Variants in DPYD observed in about 807,000 individuals in gnomAD.
DPYD encodes the protein dihydropyrimidine dehydrogenase [NADP(+)].
DPYD carries 109 observed loss-of-function variants against 116.2 expected under a neutral mutation model. That is an observed-to-expected ratio of 0.94 (90% CI 0.80 to 1.10). The LOEUF is 1.10. Among genes scored for constraint, DPYD ranks in the 50% least tolerant of loss-of-function variants. The probability of loss-of-function intolerance (pLI) is 0.00; values close to 1 mark genes in which losing one functional copy is unlikely to be tolerated. For missense variants in DPYD, 1,302 were observed against 1,254.5 expected (o/e 1.04, Z -0.57); for synonymous variants, 440 against 432.0 (o/e 1.02, Z -0.23).
chr1:97,798,291 G>A (rs767234575), intron 3 of DPYD, among the ~76,000 whole-genome samples: 2 of 151,946 alleles, frequency 1.3e-5, no homozygotes, highest in Non-Finnish European at 2.9e-5. Flanking sequence ...AATTAAAAAT[G>A]TGAACTATGA....
intron 1 of DPYD, among the ~76,000 whole-genome samples, chr1:97,885,827 T>C (rs1672459136): frequency 6.6e-6 from 1 of 152,118 alleles, no homozygotes; most frequent in Non-Finnish European, 1.5e-5. Flanking sequence ...TAAAAGTCAC[T>C]TTTTGAGATA....
In DPYD at chr1:97,098,348, A is replaced by T. The variant is rs1461980839; in HGVS notation, c.2766+141T>A. On this transcript the variant is annotated intron_variant, in intron 21 of 22. Coordinates refer to ENST00000370192, the MANE Select transcript of DPYD (RefSeq NM_000110.4). Reference sequence around the variant, plus strand: ...TTATAATTTAAATGCAGTTTTCACCATGGACAGATGTTTTTAAAACTTTCA... The same window carrying T: ...TTATAATTTAAATGCAGTTTTCACCTTGGACAGATGTTTTTAAAACTTTCA... 5.0e-6 allele frequency: 5 copies of T among 993,326 alleles called. No individual in the cohort carries two copies. In the Admixed American group the frequency reaches 9.3e-5, roughly 18 times the overall value. 61.5% of individuals were successfully genotyped at this position (993,326 alleles called of 1,614,324 possible).
chr1:97,547,374 G>T (rs1278130168), intron 12 of DPYD, among the ~76,000 whole-genome samples: 1 of 152,112 alleles, frequency 6.6e-6, no homozygotes, highest in Non-Finnish European at 1.5e-5. Context: ...TGCTTCCTCT[G>T]TCTGAGGCAA....
chr1:97,372,937 A>G (rs371087490), intron 16 of DPYD, among the ~76,000 whole-genome samples: 1 of 152,206 alleles, frequency 6.6e-6, no homozygotes, highest in South Asian at 2.1e-4. Context: ...TTAAGTTTTT[A>G]CAGTGCTCCT....
At chr1:97,192,281 C>T (rs1407794254) in intron 20 of DPYD, among the ~76,000 whole-genome samples, 2 of 152,094 alleles carry the variant, frequency 1.3e-5, no homozygotes, top group Non-Finnish European at 2.9e-5. Flanking sequence ...ATGTGACCTG[C>T]TTCAAGTTAA....
rs72734083 is a variant in DPYD at position 97,896,556 on chromosome 1, T to C, written c.40-13182A>G. Among the ~76,000 whole-genome samples, 53 of 152,042 alleles carry C rather than the reference T, an allele frequency of 3.5e-4. No individual in the cohort carries two copies. In the Middle Eastern group the frequency reaches 0.01, roughly 29 times the overall value. ...TTACAATAGCTTTATTGAGATATAA[T>C]TCACTTACACATGATTCACCTATTT... On this transcript the variant is annotated intron_variant, in intron 1 of 22. Coordinates refer to ENST00000370192, the MANE Select transcript of DPYD (RefSeq NM_000110.4).
chr1:97,214,825 C>A (rs987715275), intron 19 of DPYD, among the ~76,000 whole-genome samples: 2 of 152,170 alleles, frequency 1.3e-5, no homozygotes, highest in Non-Finnish European at 2.9e-5. Flanking sequence ...TAATGCATTA[C>A]CTTGTATTCA....
At chr1:97,549,127 C>A (rs758635245) in intron 12 of DPYD, among the ~76,000 whole-genome samples, 3 of 151,760 alleles carry the variant, frequency 2.0e-5, no homozygotes, top group Non-Finnish European at 4.4e-5. Context: ...GTGCAAGTGG[C>A]ACGATCATGG....
At chr1:97,366,458 T>C (rs1671045943) in intron 16 of DPYD, among the ~76,000 whole-genome samples, 1 of 152,168 alleles carries the variant, frequency 6.6e-6, no homozygotes, top group Admixed American at 6.6e-5. Context: ...TGTTTCTTCA[T>C]GGAACTATGT....
At chr1:97,080,361 T>G (rs1327891030) in intron 22 of DPYD, among the ~76,000 whole-genome samples, 1 of 152,028 alleles carries the variant, frequency 6.6e-6, no homozygotes, top group Non-Finnish European at 1.5e-5. Flanking sequence ...ATTATATATG[T>G]GTGTATATAT....
intron 3 of DPYD, among the ~76,000 whole-genome samples, chr1:97,741,087 C>T (rs982767194): frequency 2.0e-5 from 3 of 152,096 alleles, no homozygotes; most frequent in African/African-American, 7.2e-5. Context: ...CCCACAGCTG[C>T]CTTCCCTCTG....
At chr1:97,375,894 A>T (rs1019700528) in intron 15 of DPYD, among the ~76,000 whole-genome samples, 2 of 152,230 alleles carry the variant, frequency 1.3e-5, no homozygotes, top group South Asian at 4.1e-4. Context: ...TCAATTCAAC[A>T]TCATTTTGGA....
intron 18 of DPYD, among the ~76,000 whole-genome samples, chr1:97,279,389 T>G (rs1281429235): frequency 1.3e-5 from 2 of 151,936 alleles, no homozygotes; most frequent in African/African-American, 4.8e-5. Flanking sequence ...GCACAGTGGG[T>G]GAAATGTGAA....
intron 14 of DPYD, among the ~76,000 whole-genome samples, chr1:97,393,500 G>A (rs1376127024): frequency 6.6e-6 from 1 of 151,518 alleles, no homozygotes; most frequent in Non-Finnish European, 1.5e-5. Flanking sequence ...GTGTCCAAGT[G>A]TTCTCATTGT....
At chr1:97,535,498 T>C (rs1649929442) in intron 12 of DPYD, among the ~76,000 whole-genome samples, 1 of 152,126 alleles carries the variant, frequency 6.6e-6, no homozygotes, top group African/African-American at 2.4e-5. Flanking sequence ...TTGGATCAGA[T>C]TTTTCAGTTA....
At chr1:97,288,675 A>T (rs552767931) in intron 18 of DPYD, among the ~76,000 whole-genome samples, 2 of 142,394 alleles carry the variant, frequency 1.4e-5, no homozygotes, top group Non-Finnish European at 3.1e-5. Context: ...TCTCTGGGAC[A>T]CATTCAAAGC....
chr1:97,317,684 T>C (rs1451499166), intron 16 of DPYD, among the ~76,000 whole-genome samples: 2 of 151,964 alleles, frequency 1.3e-5, no homozygotes, highest in Non-Finnish European at 2.9e-5. Flanking sequence ...AAGTGAATGA[T>C]TAACCAACAC....
At chr1:97,556,643 A>G (rs1651743819) in intron 11 of DPYD, among the ~76,000 whole-genome samples, 1 of 150,576 alleles carries the variant, frequency 6.6e-6, no homozygotes, top group Admixed American at 6.6e-5. Context: ...ACTGAGAATG[A>G]TGATTTCCAA....
Position 97,257,342 on chromosome 1 carries a change from C to G in DPYD, c.2300-22348G>C, listed in dbSNP as rs951646290. On this transcript the variant is annotated intron_variant, in intron 18 of 22. Transcript: ENST00000370192. The stretch of plus-strand genomic sequence containing the variant: ...ATGTATTTATACTACATAAATGAGA[C>G]CTATATTTTTATAAGTGACACCTGA... 1.9e-4 allele frequency among the ~76,000 whole-genome samples: 29 copies of G among 150,780 alleles called. 1 individual carries two copies. The highest frequency in any genetic ancestry group is 6.8e-4 in the African/African-American group (28 of 40,956).
Sources: gnomAD v4.1 joint callset for allele counts (sites outside exome capture counted in the v4.1 genomes callset) on GRCh38, gnomAD v4.1.1 for gene constraint, MANE v1.5 for transcripts, NCBI Gene and HGNC (gene_info 2026-07-23, HGNC 2026-07-21) for gene names.